The following MTA3 variants were observed in gnomAD, a reference collection of about 807,000 sequenced individuals.
MTA3 encodes the protein metastasis associated 1 family member 3, also known as metastasis-associated protein MTA3.
MTA3 carries 34 observed loss-of-function variants against 83.5 expected under a neutral mutation model. That is an observed-to-expected ratio of 0.41 (90% confidence interval 0.31 to 0.54). The LOEUF (loss-of-function observed/expected upper bound fraction) is 0.54. MTA3 is among the 20% of genes least tolerant of loss of function. MTA3 has a pLI of 0.33. For synonymous variants in MTA3, 303 were observed against 252.7 expected, an observed-to-expected ratio of 1.20 and a Z score of -1.89; for missense variants, 761 against 726.4, an observed-to-expected ratio of 1.05 and a Z score of -0.55.
chr2:42,653,309 T>C (rs1573487243), intron 6 of MTA3, among the ~76,000 whole-genome samples: 1 of 152,150 alleles, frequency 6.6e-6, no homozygotes, highest in Admixed American at 6.5e-5. Context: ...GAAGGGGAGA[T>C]TATTATAAAG....
At chr2:42,620,703 G>T (rs1463271029) in intron 4 of MTA3, among the ~76,000 whole-genome samples, 1 of 152,082 alleles carries the variant, frequency 6.6e-6, no homozygotes, top group East Asian at 1.9e-4. Context: ...ATGTTGCCCA[G>T]GTTGTTTCTT....
chr2:42,655,667 A>G (rs932140335), intron 6 of MTA3, among the ~76,000 whole-genome samples: 3 of 152,174 alleles, frequency 2.0e-5, no homozygotes, highest in East Asian at 3.8e-4. Flanking sequence ...CAGTGGCGCA[A>G]TCTCAGCTCA....
chr2:42,750,559 C>T (rs915718660), intron 16 of MTA3, among the ~76,000 whole-genome samples: 1 of 152,146 alleles, frequency 6.6e-6, no homozygotes, highest in Non-Finnish European at 1.5e-5. Context: ...ACGATAAATG[C>T]CAGTTTCTTT....
intron 6 of MTA3, among the ~76,000 whole-genome samples, chr2:42,652,399 C>A (rs1688803013): frequency 6.6e-6 from 1 of 152,176 alleles, no homozygotes; most frequent in Non-Finnish European, 1.5e-5. Context: ...TAAAAGACAG[C>A]CTTTCAGGGC....
chr2:42,754,982 CA>C lies in MTA3; in HGVS notation c.*1584del. 1.0e-6 allele frequency: 1 copy of C among 985,506 alleles called. No homozygotes were observed. The highest frequency in any genetic ancestry group is 1.7e-5 in the African/African-American group (1 of 57,322). 61.0% of individuals were successfully genotyped at this position (985,506 alleles called of 1,614,324 possible). ...AGCATGGGATGTCTCCACCACCACC[CA>C]CTCTTGGAGCTGTGCTGGGTCTTGG... On this transcript the variant is annotated 3_prime_UTR_variant, in exon 17 of 17. Coordinates refer to ENST00000405094, the MANE Select transcript of MTA3 (RefSeq NM_001330442.2).
Position 42,709,036 on chromosome 2 carries a change from C to A in MTA3, c.1465C>A (p.Leu489Met). The change falls in exon 14 of 17, where the codon CTG (leucine) becomes ATG (methionine). Residue 489 changes from leucine (L) to methionine (M), a missense_variant. Transcript: ENST00000405094. ...ARQVCKNTLRLRQAARRPFVA... is the reference protein window; with the variant it reads ...ARQVCKNTLRMRQAARRPFVA... ...TCAGGTCTGCAAAAATACCCTCCGGCTGCGGCAGGCAGCAAGACGGCCGTT... is the reference window on the plus strand; with the variant it reads ...TCAGGTCTGCAAAAATACCCTCCGGATGCGGCAGGCAGCAAGACGGCCGTT... The A allele has an allele frequency of 6.2e-7, 1 of 1,613,912 alleles. No individual in the cohort carries two copies. The highest frequency in any genetic ancestry group is 8.5e-7 in the Non-Finnish European group (1 of 1,179,842).
intron 3 of MTA3, among the ~76,000 whole-genome samples, chr2:42,594,705 C>CATATATATATATATATATATATAT (rs1167117095): frequency 4.5e-4 from 21 of 46,500 alleles, no homozygotes; most frequent in Non-Finnish European, 5.9e-4. Context: ...TATAAATATA[C>CATATATATATATATATATATATAT]ATATATATAT....
rs1031788740 is a variant in MTA3, at chr2:42,644,249, G to C, written c.499+5G>C. 6.3e-7 allele frequency: 1 copy of C among 1,579,836 alleles called. No individual in the cohort carries two copies. Among genetic ancestry groups the C allele is most frequent in the South Asian group, 1.1e-5 (1 of 88,378 alleles). ...TTCCAGAAATGCTGTTAGAAGGTAC[G>C]TTTTTCTGCGTGTTTGCAGTTTTGT... On this transcript the variant is annotated splice_donor_5th_base_variant and intron_variant, in intron 6 of 16. Transcript: ENST00000405094.
At chr2:42,588,845 A>G (rs1680644376) in intron 3 of MTA3, among the ~76,000 whole-genome samples, 1 of 152,162 alleles carries the variant, frequency 6.6e-6, no homozygotes, top group African/African-American at 2.4e-5. Context: ...CAACAGGTTT[A>G]TATACATATA....
chr2:42,738,307 G>T (rs1309015301), intron 16 of MTA3, among the ~76,000 whole-genome samples: 2 of 152,106 alleles, frequency 1.3e-5, no homozygotes, highest in Admixed American at 6.6e-5. Flanking sequence ...GCAGAAGAAC[G>T]TGGATTGTGA....
chr2:42,674,596 CTTTTTT>C (rs34154066), intron 8 of MTA3, among the ~76,000 whole-genome samples: 2 of 114,326 alleles, frequency 1.7e-5, no homozygotes, highest in Non-Finnish European at 1.8e-5. Flanking sequence ...TTTTCTTCTT[CTTTTTT>C]TTTTTTTTTT....
chr2:42,747,095 G>C (rs1488175032), intron 16 of MTA3, among the ~76,000 whole-genome samples: 1 of 151,710 alleles, frequency 6.6e-6, no homozygotes, highest in African/African-American at 2.4e-5. Flanking sequence ...TCTGTCTCCC[G>C]GGTTCGAGCG....
chr2:42,733,361 A>G (rs1289712176), intron 16 of MTA3, among the ~76,000 whole-genome samples: 1 of 152,188 alleles, frequency 6.6e-6, no homozygotes, highest in East Asian at 1.9e-4. Flanking sequence ...TATCATGAGA[A>G]TAGCACAGGA....
chr2:42,608,662 C>G (rs1377617578), intron 3 of MTA3, among the ~76,000 whole-genome samples: 5 of 152,232 alleles, frequency 3.3e-5, no homozygotes, highest in Non-Finnish European at 7.4e-5. Context: ...GCAGGCAGAT[C>G]ACTTGAGCCC....
At chr2:42,751,869 T>C (rs1357810965) in intron 16 of MTA3, among the ~76,000 whole-genome samples, 1 of 152,152 alleles carries the variant, frequency 6.6e-6, no homozygotes, top group Non-Finnish European at 1.5e-5. Flanking sequence ...CGCTGACACT[T>C]ACATAACCTT....
At chr2:42,556,104 C>A (rs546773914) in intron 2 of MTA3, among the ~76,000 whole-genome samples, 17 of 150,158 alleles carry the variant, frequency 1.1e-4, no homozygotes, top group African/African-American at 2.2e-4. Context: ...AAAAAAAAAA[C>A]AAACAAAAAA....
chr2:42,546,864 T>C (rs189880860), intron 2 of MTA3, among the ~76,000 whole-genome samples: 1 of 152,262 alleles, frequency 6.6e-6, no homozygotes, highest in African/African-American at 2.4e-5. Context: ...AGGATGAATG[T>C]GATCAGGGTG....
At chr2:42,728,362 C>T (rs576145412) in intron 16 of MTA3, among the ~76,000 whole-genome samples, 191 of 152,280 alleles carry the variant, frequency 1.3e-3, no homozygotes, top group Middle Eastern at 3.4e-3. Context: ...TAGGTTGCTT[C>T]CAAATCTTGG....
intron 2 of MTA3, among the ~76,000 whole-genome samples, chr2:42,574,459 G>T (rs62142671): frequency 0.03 from 4,556 of 150,360 alleles, 87 homozygotes; most frequent in Non-Finnish European, 0.045. Flanking sequence ...TACTGCATTT[G>T]CCTATGTTAG....
Sources: allele counts gnomAD v4.1 joint callset (sites outside exome capture counted in the v4.1 genomes callset), GRCh38; gene constraint gnomAD v4.1.1; transcripts MANE v1.5; gene names NCBI Gene and HGNC (gene_info 2026-07-23, HGNC 2026-07-21).